Variants in ADGRL3 observed in about 807,000 individuals in gnomAD.
The protein encoded by ADGRL3 is calcium-independent alpha-latrotoxin receptor 3.
A neutral mutation model predicts 153.5 loss-of-function variants in ADGRL3; 62 were observed. The observed-to-expected ratio is 0.40, with a 90% confidence interval of 0.33 to 0.50. The LOEUF (loss-of-function observed/expected upper bound fraction) is 0.50, where lower values mean the gene tolerates loss of function less well. Ranked by LOEUF, ADGRL3 falls within the 20% of genes least tolerant of loss-of-function variation. The pLI, the probability that ADGRL3 is intolerant of heterozygous loss-of-function variation, is 0.47. For synonymous variants in ADGRL3, 710 were observed against 672.5 expected (o/e 1.06, Z -0.86); for missense variants, 1,641 against 1,859.4 (o/e 0.88, Z 2.16).
intron 11 of ADGRL3, among the ~76,000 whole-genome samples, chr4:61,896,671 C>G (rs1423039789): frequency 6.6e-6 from 1 of 152,132 alleles, no homozygotes; most frequent in East Asian, 1.9e-4. Context: ...TGAGCCATAA[C>G]TATCTATTTA....
At chr4:61,209,626 C>A (rs1178851864) in intron 1 of ADGRL3, among the ~76,000 whole-genome samples, 2 of 151,926 alleles carry the variant, frequency 1.3e-5, no homozygotes, top group South Asian at 2.1e-4. Flanking sequence ...CTTTTTTAAC[C>A]TTTTAAGTAC....
At chr4:61,885,280 G>C (rs188302777) in intron 9 of ADGRL3, among the ~76,000 whole-genome samples, 8 of 152,078 alleles carry the variant, frequency 5.3e-5, no homozygotes, top group Admixed American at 4.6e-4. Flanking sequence ...ATGAGCTGAC[G>C]TCGCACCATT....
At chr4:61,285,939 G>T (rs932849337) in intron 1 of ADGRL3, among the ~76,000 whole-genome samples, 1 of 151,434 alleles carries the variant, frequency 6.6e-6, no homozygotes, top group African/African-American at 2.4e-5. Context: ...CATTCTCTCA[G>T]AATCATTTAA....
chr4:61,530,188 T>A (rs2098603824), intron 4 of ADGRL3, among the ~76,000 whole-genome samples: 1 of 152,144 alleles, frequency 6.6e-6, no homozygotes, highest in African/African-American at 2.4e-5. Flanking sequence ...ATTGCATAAG[T>A]GCATGAATTG....
chr4:62,040,726 C>T (rs1007188143), intron 24 of ADGRL3, among the ~76,000 whole-genome samples: 3 of 151,956 alleles, frequency 2.0e-5, no homozygotes, highest in South Asian at 4.1e-4. Context: ...AGACAGAAAA[C>T]GTATTAATAA....
chr4:61,661,359 C>T (rs1393602036), intron 5 of ADGRL3, among the ~76,000 whole-genome samples: 1 of 151,876 alleles, frequency 6.6e-6, no homozygotes, highest in Non-Finnish European at 1.5e-5. Context: ...TTGACTTTTT[C>T]AATCAAAAAC....
At chr4:61,298,246 A>G (rs1420535990) in intron 1 of ADGRL3, among the ~76,000 whole-genome samples, 3 of 152,098 alleles carry the variant, frequency 2.0e-5, no homozygotes, top group Admixed American at 1.3e-4. Context: ...CGCCCCCCAA[A>G]TGCATGAAGA....
At chr4:61,492,183 C>T (rs1278122698) in intron 2 of ADGRL3, among the ~76,000 whole-genome samples, 2 of 152,104 alleles carry the variant, frequency 1.3e-5, no homozygotes, top group East Asian at 3.9e-4. Flanking sequence ...AAAACATTGG[C>T]CTCCAAAAAG....
intron 18 of ADGRL3, 61 bp downstream of exon 18, chr4:61,979,833 C>A: frequency 1.5e-6 from 2 of 1,319,930 alleles, no homozygotes; most frequent in Non-Finnish European, 2.2e-6. Flanking sequence ...TCAGTAGCGC[C>A]AATACTAAAA....
At chr4:61,528,988 G>C (rs2098595492) in intron 4 of ADGRL3, among the ~76,000 whole-genome samples, 1 of 152,054 alleles carries the variant, frequency 6.6e-6, no homozygotes. Context: ...TTTTCAAGCA[G>C]AGAACTCATT....
At chr4:61,260,926 A>C (rs1024623061) in intron 1 of ADGRL3, among the ~76,000 whole-genome samples, 2 of 151,920 alleles carry the variant, frequency 1.3e-5, no homozygotes, top group East Asian at 3.9e-4. Flanking sequence ...AGCTCCCACT[A>C]TATTGCCCAG....
At chr4:61,793,784 T>G (rs751834586) in intron 8 of ADGRL3, among the ~76,000 whole-genome samples, 70 of 152,186 alleles carry the variant, frequency 4.6e-4, no homozygotes, top group Non-Finnish European at 9.0e-4. Context: ...CCTATTGCTT[T>G]TTTTATAAAC....
chr4:61,361,388 G>T (rs1008572120), intron 1 of ADGRL3, among the ~76,000 whole-genome samples: 1 of 152,092 alleles, frequency 6.6e-6, no homozygotes. Context: ...AAGCATCATT[G>T]AAATATCTGC....
At chr4:61,850,867 G>T (rs756041790) in intron 9 of ADGRL3, among the ~76,000 whole-genome samples, 8 of 152,090 alleles carry the variant, frequency 5.3e-5, no homozygotes, top group Non-Finnish European at 1.0e-4. Context: ...ATAACTTTAA[G>T]TAGAATTAAA....
intron 1 of ADGRL3, among the ~76,000 whole-genome samples, chr4:61,355,385 T>A (rs551470628): frequency 4.2e-4 from 64 of 152,124 alleles, no homozygotes; most frequent in Non-Finnish European, 8.1e-4. Flanking sequence ...CTATAGTTCA[T>A]CTTTTTGATA....
intron 6 of ADGRL3, among the ~76,000 whole-genome samples, chr4:61,719,005 T>C (rs1460884930): frequency 6.6e-6 from 1 of 152,228 alleles, no homozygotes; most frequent in Admixed American, 6.5e-5. Context: ...GAAAGCATAC[T>C]TTATGCTGTG....
rs2099228502 is a variant in ADGRL3 at position 62,019,571 on chromosome 4, TAAG to T, written c.3396-9279_3396-9277del. On this transcript the variant is annotated intron_variant, in intron 21 of 26. Coordinates refer to ENST00000683033, the MANE Select transcript of ADGRL3 (RefSeq NM_001387552.1). ...TTAATGTTTTTCTCATTGACTTTTT[TAAG>T]AAGATTATCTTTCAATTTCTTTTAA... 2.0e-5 allele frequency among the ~76,000 whole-genome samples: 3 copies of T among 152,146 alleles called. No homozygotes were observed. The South Asian group carries it at 6.2e-4, about 31-fold the overall frequency.
At chr4:61,515,821 T>C (rs335306) in intron 3 of ADGRL3, among the ~76,000 whole-genome samples, 115,436 of 152,048 alleles carry the variant, frequency 0.76, 44,187 homozygotes, top group East Asian at 0.94. Context: ...TCATTTTAGG[T>C]AATGAAGAGA....
intron 1 of ADGRL3, among the ~76,000 whole-genome samples, chr4:61,328,353 G>A (rs180708638): frequency 6.6e-6 from 1 of 152,126 alleles, no homozygotes; most frequent in Non-Finnish European, 1.5e-5. Flanking sequence ...GAGATAGTAG[G>A]AACTAGTGAT....
Sources: allele counts gnomAD v4.1 joint callset (sites outside exome capture counted in the v4.1 genomes callset), GRCh38; gene constraint gnomAD v4.1.1; transcripts MANE v1.5; gene names NCBI Gene and HGNC (gene_info 2026-07-23, HGNC 2026-07-21).